Variants in DCX observed in about 807,000 individuals in gnomAD.
DCX encodes the protein neuronal migration protein doublecortin.
Under a neutral mutation model 20.9 loss-of-function variants are expected in DCX, and 4 were observed. The ratio of observed to expected loss-of-function variants is 0.19; its 90% CI spans 0.09 to 0.44. The LOEUF is 0.44. DCX is among the 20% of genes least tolerant of loss of function. The pLI, the probability that DCX is intolerant of heterozygous loss-of-function variation, is 0.99. For synonymous variants in DCX, 103 were observed against 111.4 expected, an observed-to-expected ratio of 0.92 and a Z score of 0.47; for missense variants, 133 against 296.9, an observed-to-expected ratio of 0.45 and a Z score of 4.06.
At chrX:111,408,676 AAGAAAG>A (rs1175975035) in intron 2 of DCX, among the ~76,000 whole-genome samples, 1 of 109,566 alleles carries the variant, frequency 9.1e-6, no homozygotes, top group Non-Finnish European at 1.9e-5. Context: ...GAAAGAAAGA[AAGAAAG>A]AAAGAAAGAA....
At chrX:111,333,184 A>G (rs1439292606) in intron 3 of DCX, 31 bp from the exon 4 acceptor site, 1 of 1,060,665 alleles carries the variant, frequency 9.4e-7, no homozygotes, top group Non-Finnish European at 1.3e-6. Flanking sequence ...CTGATTGTAT[A>G]TGATGGTCCT....
chrX:111,301,536 C>A lies in DCX; in HGVS notation c.*151G>T. Reference sequence around the variant, plus strand: ...AGGAGAAATCACAGGAAAATAAACCCAACATATTACAATGTGTTTTTCAAA... The same window carrying A: ...AGGAGAAATCACAGGAAAATAAACCAAACATATTACAATGTGTTTTTCAAA... On this transcript the variant is annotated 3_prime_UTR_variant, in exon 7 of 7. Coordinates refer to ENST00000636035, the MANE Select transcript of DCX (RefSeq NM_001195553.2). 1 of 599,760 alleles carries A rather than the reference C, an allele frequency of 1.7e-6. No individual in the cohort carries two copies. The highest frequency in any genetic ancestry group is 2.4e-5 in the South Asian group (1 of 42,289). 49.4% of individuals were successfully genotyped at this position (599,760 alleles called of 1,213,427 possible). A position where few individuals can be genotyped will look rare whatever the true frequency, so the allele number is the denominator to read the frequency against.
chrX:111,309,225 T>C (rs1292533067), intron 6 of DCX, among the ~76,000 whole-genome samples: 1 of 112,514 alleles, frequency 8.9e-6, no homozygotes, highest in African/African-American at 3.2e-5. Flanking sequence ...AAGAAGCTGA[T>C]TACAGCTTAG....
At chrX:111,381,256 A>G in intron 3 of DCX, among the ~76,000 whole-genome samples, 1 of 110,322 alleles carries the variant, frequency 9.1e-6, no homozygotes, top group East Asian at 2.9e-4. Flanking sequence ...AACAAGGTTG[A>G]ATTATTTGTG....
At chrX:111,391,111 T>A (rs999861174) in intron 3 of DCX, among the ~76,000 whole-genome samples, 8 of 111,407 alleles carry the variant, frequency 7.2e-5, no homozygotes, top group African/African-American at 2.6e-4. Context: ...TGTTGAATTG[T>A]AATTCCCAAT....
At chrX:111,344,449 G>A (rs1216998209) in intron 3 of DCX, among the ~76,000 whole-genome samples, 2 of 111,457 alleles carry the variant, frequency 1.8e-5, no homozygotes, top group Admixed American at 9.5e-5. Flanking sequence ...AAGTAAAATT[G>A]TATATGTTTG....
chrX:111,379,769 G>C (rs1925822382), intron 3 of DCX, among the ~76,000 whole-genome samples: 1 of 111,839 alleles, frequency 8.9e-6, no homozygotes, highest in African/African-American at 3.2e-5. Context: ...TCAAGGAACT[G>C]ACAGACTGCT....
chrX:111,403,607 A>G (rs1000793041), intron 2 of DCX, among the ~76,000 whole-genome samples: 3 of 112,132 alleles, frequency 2.7e-5, no homozygotes, highest in Non-Finnish European at 5.6e-5. Flanking sequence ...ATGTGATGTC[A>G]GTCAGGATGG....
chrX:111,350,301 G>A (rs1439269559), intron 3 of DCX, among the ~76,000 whole-genome samples: 1 of 111,394 alleles, frequency 9.0e-6, no homozygotes, highest in Non-Finnish European at 1.9e-5. Context: ...TAAGCAAAAG[G>A]AAGGAGCTGT....
intron 3 of DCX, among the ~76,000 whole-genome samples, chrX:111,370,724 C>T (rs1246651402): frequency 9.1e-6 from 1 of 110,129 alleles, no homozygotes; most frequent in Non-Finnish European, 1.9e-5. Flanking sequence ...CAAAATTGGG[C>T]TTACCCTAGC....
intron 3 of DCX, among the ~76,000 whole-genome samples, chrX:111,336,949 G>C (rs1297247944): frequency 2.7e-5 from 3 of 110,545 alleles, no homozygotes; most frequent in Non-Finnish European, 5.7e-5. Context: ...AGAAAAGAAA[G>C]AAGAAGAAGA....
At position 111,306,754 on chromosome X, in the gene DCX, A is replaced by G. The variant is rs559877346; in HGVS notation, c.1045-5011T>C. On this transcript the variant is annotated intron_variant, in intron 6 of 6. Transcript: ENST00000636035. The stretch of plus-strand genomic sequence containing the variant: ...CCACAGTGGAATTAAATTAGAAACA[A>G]TAATGGAAAGATATTCAGGAAATTC... Among the ~76,000 whole-genome samples, 11 of 111,701 alleles carry G rather than the reference A, an allele frequency of 9.8e-5. No homozygotes were observed. In the East Asian group the frequency reaches 2.8e-3, roughly 28 times the overall value.
At chrX:111,361,986 T>G (rs188623253) in intron 3 of DCX, among the ~76,000 whole-genome samples, 30 of 111,824 alleles carry the variant, frequency 2.7e-4, no homozygotes, top group African/African-American at 9.7e-4. Flanking sequence ...ATTTGTGGGT[T>G]CAGCTTGCTC....
intron 3 of DCX, among the ~76,000 whole-genome samples, chrX:111,338,036 A>G (rs574713650): frequency 8.9e-6 from 1 of 112,280 alleles, no homozygotes; most frequent in Middle Eastern, 4.6e-3. Context: ...TGAGTCTTGA[A>G]GGATGAGTGG....
chrX:111,321,035 G>T (rs1490741861), intron 5 of DCX, among the ~76,000 whole-genome samples: 1 of 111,354 alleles, frequency 9.0e-6, no homozygotes, highest in Non-Finnish European at 1.9e-5. Flanking sequence ...TGGAGGCTAG[G>T]GAGGAGGGTG....
intron 2 of DCX, among the ~76,000 whole-genome samples, chrX:111,404,302 G>C (rs1928047621): frequency 8.9e-6 from 1 of 111,792 alleles, no homozygotes; most frequent in Non-Finnish European, 1.9e-5. Context: ...TCTAGGAACT[G>C]AGCTGTGATT....
At chrX:111,397,177 T>C (rs760076035) in intron 3 of DCX, among the ~76,000 whole-genome samples, 1 of 111,785 alleles carries the variant, frequency 8.9e-6, no homozygotes. Flanking sequence ...TGGGCTCTTT[T>C]AGCTGATCAT....
intron 3 of DCX, among the ~76,000 whole-genome samples, chrX:111,345,985 T>C (rs766534157): frequency 5.4e-5 from 6 of 111,329 alleles, no homozygotes; most frequent in African/African-American, 2.0e-4. Flanking sequence ...TGCATTACTC[T>C]AATGATCAGT....
At chrX:111,364,830 G>A (rs1924477860) in intron 3 of DCX, among the ~76,000 whole-genome samples, 1 of 111,598 alleles carries the variant, frequency 9.0e-6, no homozygotes, top group Admixed American at 9.6e-5. Flanking sequence ...GTGGACTGAG[G>A]TGGGAGAAGC....
Sources: allele counts gnomAD v4.1 joint callset (sites outside exome capture counted in the v4.1 genomes callset), GRCh38; gene constraint gnomAD v4.1.1; transcripts MANE v1.5; gene names NCBI Gene and HGNC (gene_info 2026-07-23, HGNC 2026-07-21).